The following SUSD1 variants were observed in gnomAD, a reference collection of about 807,000 sequenced individuals.
SUSD1 encodes sushi domain containing 1, also known as sushi domain-containing protein 1.
Under a neutral mutation model 86.9 loss-of-function variants are expected in SUSD1, and 65 were observed. That is an observed-to-expected ratio of 0.75 (90% CI 0.61 to 0.92). SUSD1 has a LOEUF of 0.92. Ranked by LOEUF, SUSD1 falls within the 40% of genes least tolerant of loss-of-function variation. The pLI, the probability that SUSD1 is intolerant of heterozygous loss-of-function variation, is 0.00. For synonymous variants in SUSD1, 346 were observed against 350.0 expected (o/e 0.99, Z 0.13); for missense variants, 850 against 929.7 (o/e 0.91, Z 1.11).
intron 10 of SUSD1, among the ~76,000 whole-genome samples, chr9:112,082,652 A>C (rs2131565754): frequency 6.6e-6 from 1 of 152,216 alleles, no homozygotes; most frequent in East Asian, 1.9e-4. Context: ...CAGCTTAGTG[A>C]AACTGATTTC....
intron 1 of SUSD1, among the ~76,000 whole-genome samples, chr9:112,164,546 TA>T (rs535124334): frequency 1.6e-3 from 210 of 135,412 alleles, no homozygotes; most frequent in Non-Finnish European, 1.6e-3. Flanking sequence ...ATCTTGTTTC[TA>T]AAAAAAAAAA....
At chr9:112,141,696 A>AT (rs1491155012) in intron 5 of SUSD1, among the ~76,000 whole-genome samples, 169 of 146,728 alleles carry the variant, frequency 1.2e-3, no homozygotes, top group Non-Finnish European at 2.1e-3. Context: ...ATATATATAT[A>AT]AAAAATATAT....
intron 1 of SUSD1, 142 bp from the exon 2 acceptor site, chr9:112,157,755 G>T: frequency 1.8e-6 from 1 of 544,404 alleles, no homozygotes; most frequent in Non-Finnish European, 3.3e-6. Flanking sequence ...AAAACCTTCA[G>T]TGGCTGTTTA....
intron 2 of SUSD1, among the ~76,000 whole-genome samples, chr9:112,155,234 G>A (rs189204962): frequency 3.3e-5 from 5 of 151,366 alleles, no homozygotes; most frequent in East Asian, 1.9e-4. Flanking sequence ...CTGGGTGACC[G>A]AGGGAGACGC....
At chr9:112,115,737 A>C (rs1415763467) in intron 6 of SUSD1, among the ~76,000 whole-genome samples, 1 of 141,328 alleles carries the variant, frequency 7.1e-6, no homozygotes, top group African/African-American at 2.6e-5. Context: ...TGAACCTGGG[A>C]GGCAGAGGTT....
At chr9:112,096,763 C>T (rs1008020703) in intron 10 of SUSD1, among the ~76,000 whole-genome samples, 1 of 152,158 alleles carries the variant, frequency 6.6e-6, no homozygotes, top group South Asian at 2.1e-4. Context: ...TGGTCTCAAA[C>T]TCCTGAGCTC....
chr9:112,143,374 A>C (rs554474208), intron 4 of SUSD1, 97 bp downstream of exon 4: 1 of 1,250,574 alleles, frequency 8.0e-7, no homozygotes, highest in Non-Finnish European at 1.1e-6. Context: ...GGATCAGATC[A>C]CCTCCACCTG....
intron 12 of SUSD1, among the ~76,000 whole-genome samples, chr9:112,065,389 G>A (rs1828932612): frequency 6.6e-6 from 1 of 152,166 alleles, no homozygotes; most frequent in Non-Finnish European, 1.5e-5. Context: ...GCCAGGCATG[G>A]TGGCACACCT....
intron 5 of SUSD1, among the ~76,000 whole-genome samples, chr9:112,128,710 A>T (rs1453105950): frequency 6.6e-6 from 1 of 152,226 alleles, no homozygotes; most frequent in Non-Finnish European, 1.5e-5. Context: ...ACATACATTA[A>T]GACCTGAAGG....
At chr9:112,080,004 G>A (rs1829696312) in intron 11 of SUSD1, 70 bp downstream of exon 11, 1 of 1,080,578 alleles carries the variant, frequency 9.3e-7, no homozygotes, top group African/African-American at 1.6e-5. Flanking sequence ...AGATTTTTAG[G>A]TTTGTGGGTA....
In SUSD1 at chr9:112,064,624, C is replaced by G. The variant is rs989847195; in HGVS notation, c.1754-1591G>C. 4.6e-5 allele frequency among the ~76,000 whole-genome samples: 7 copies of G among 151,530 alleles called. No individual in the cohort carries two copies. In the South Asian group the frequency reaches 1.3e-3, roughly 27 times the overall value. On this transcript the variant is annotated intron_variant, in intron 12 of 16. Coordinates refer to ENST00000374270, the MANE Select transcript of SUSD1 (RefSeq NM_022486.5). ...GGTGCGGTGGCTCACGCCTGTAATC[C>G]CAGCACTTTGGAAGGCCAAGGCAGG...
intron 6 of SUSD1, among the ~76,000 whole-genome samples, chr9:112,121,765 A>G (rs745933550): frequency 6.6e-6 from 1 of 152,232 alleles, no homozygotes; most frequent in Non-Finnish European, 1.5e-5. Context: ...GAGCCAAGCA[A>G]GTCAACAGCC....
chr9:112,078,809 C>CCCTTT (rs1196821450), intron 11 of SUSD1, 85 bp from the exon 12 acceptor site: 1 of 829,716 alleles, frequency 1.2e-6, no homozygotes, highest in African/African-American at 2.4e-5. Context: ...CTTTTTCTTT[C>CCCTTT]TCTTTTTTTT....
chr9:112,078,804 T>TATTTCA, intron 11 of SUSD1, 80 bp from the exon 12 acceptor site: 1 of 1,206,064 alleles, frequency 8.3e-7, no homozygotes, highest in Non-Finnish European at 1.1e-6. Context: ...TTTTCCTTTT[T>TATTTCA]CTTTCTCTTT....
intron 3 of SUSD1, among the ~76,000 whole-genome samples, chr9:112,147,371 T>A (rs1049279599): frequency 6.6e-6 from 1 of 151,864 alleles, no homozygotes; most frequent in African/African-American, 2.4e-5. Flanking sequence ...CTGGGCATGG[T>A]GGCGGGTGCC....
chr9:112,078,842 C>T, intron 11 of SUSD1, 118 bp from the exon 12 acceptor site: 1 of 775,292 alleles, frequency 1.3e-6, no homozygotes, highest in South Asian at 2.0e-5. Context: ...AGATGGGGGC[C>T]TCACTCTGTC....
At chr9:112,101,046 A>G (rs1489874285) in intron 9 of SUSD1, among the ~76,000 whole-genome samples, 1 of 151,996 alleles carries the variant, frequency 6.6e-6, no homozygotes, top group Non-Finnish European at 1.5e-5. Context: ...TATGTGATAT[A>G]CTTCTGGTAA....
intron 12 of SUSD1, among the ~76,000 whole-genome samples, chr9:112,075,928 T>C (rs765255334): frequency 3.3e-5 from 5 of 152,090 alleles, no homozygotes; most frequent in Non-Finnish European, 7.4e-5. Context: ...TGGAAAAGTC[T>C]GGAGGCTGGA....
At chr9:112,122,491 C>A (rs1831594560) in intron 6 of SUSD1, among the ~76,000 whole-genome samples, 1 of 151,206 alleles carries the variant, frequency 6.6e-6, no homozygotes, top group Non-Finnish European at 1.5e-5. Flanking sequence ...CATGGGGTTT[C>A]ATCATGTTGG....
Sources: allele counts gnomAD v4.1 joint callset (sites outside exome capture counted in the v4.1 genomes callset), GRCh38; gene constraint gnomAD v4.1.1; transcripts MANE v1.5; gene names NCBI Gene and HGNC (gene_info 2026-07-23, HGNC 2026-07-21).